ZDHHC11B: variants seen among roughly 807,000 people sequenced by gnomAD.
The protein encoded by ZDHHC11B is zDHHC palmitoyltransferase 11B (putative), also known as probable palmitoyltransferase ZDHHC11B.
In ZDHHC11B, 17 loss-of-function variants were observed where a neutral mutation model predicts 42.3. That is an observed-to-expected ratio of 0.40 (90% CI 0.27 to 0.60). The LOEUF is 0.60. Ranked by LOEUF, ZDHHC11B falls within the 20% of genes least tolerant of loss-of-function variation. The pLI is 0.41. For missense variants in ZDHHC11B, 262 were observed against 463.2 expected (o/e 0.57, Z 3.99); for synonymous variants, 123 against 193.5 (o/e 0.64, Z 3.02).
intron 12 of ZDHHC11B, among the ~76,000 whole-genome samples, chr5:721,169 C>T (rs557303014): frequency 6.6e-6 from 1 of 151,356 alleles, no homozygotes; most frequent in African/African-American, 2.4e-5. Flanking sequence ...TTATTATCCC[C>T]AGCATAACCA....
At chr5:756,215 G>C in intron 4 of ZDHHC11B, 71 bp from the exon 5 acceptor site, 1 of 1,518,476 alleles carries the variant, frequency 6.6e-7, no homozygotes, top group Non-Finnish European at 8.9e-7. Flanking sequence ...TGAGGCCCAA[G>C]GTCCCAGAAG....
intron 12 of ZDHHC11B, among the ~76,000 whole-genome samples, chr5:727,896 T>C (rs1459114251): frequency 6.6e-6 from 1 of 151,796 alleles, no homozygotes; most frequent in African/African-American, 2.4e-5. Flanking sequence ...AAGAAAGACT[T>C]TTTAAAGCAA....
chr5:780,692 C>T (rs191767994), intron 1 of ZDHHC11B, among the ~76,000 whole-genome samples: 1,663 of 147,034 alleles, frequency 0.011, no homozygotes, highest in African/African-American at 0.041. Context: ...TCCCAGCAGG[C>T]GGCCTGGGGA....
intron 13 of ZDHHC11B, among the ~76,000 whole-genome samples, chr5:716,055 C>T (rs3867413): frequency 0.61 from 90,049 of 146,792 alleles, 23,938 homozygotes; most frequent in Non-Finnish European, 0.63. Context: ...AGGTACTGAA[C>T]GGTAGACTTC....
chr5:777,191 C>T (rs1483577255), intron 1 of ZDHHC11B, among the ~76,000 whole-genome samples: 5 of 151,902 alleles, frequency 3.3e-5, no homozygotes, highest in Admixed American at 2.0e-4. Flanking sequence ...TTCGTGGTCT[C>T]GCTGACTTTA....
chr5:753,751 C>T (rs1395550266), intron 6 of ZDHHC11B, among the ~76,000 whole-genome samples: 4 of 148,406 alleles, frequency 2.7e-5, no homozygotes, highest in African/African-American at 4.9e-5. Context: ...CTGTCCCTGC[C>T]GGGCTGCTCA....
At chr5:751,477 GGGCATGCAGGGCAGGTGGGGGGTGCA>G (rs1215185686) in intron 6 of ZDHHC11B, among the ~76,000 whole-genome samples, 17 of 31,612 alleles carry the variant, frequency 5.4e-4, no homozygotes, top group Non-Finnish European at 9.6e-4. Flanking sequence ...GCAGGGGCGG[GGGCATGCAGGGCAGGTGGGGGGTGCA>G]GAGGCAGGGG....
intron 1 of ZDHHC11B, among the ~76,000 whole-genome samples, chr5:773,094 C>A (rs1736189649): frequency 6.6e-6 from 1 of 151,858 alleles, no homozygotes; most frequent in African/African-American, 2.4e-5. Context: ...CTTCATTAGA[C>A]CCACGTGCTG....
intron 1 of ZDHHC11B, among the ~76,000 whole-genome samples, chr5:777,622 T>C (rs1037939628): frequency 1.3e-5 from 2 of 151,970 alleles, no homozygotes; most frequent in South Asian, 2.1e-4. Context: ...GATTGGCCCA[T>C]TGTACAGGGA....
intron 9 of ZDHHC11B, among the ~76,000 whole-genome samples, chr5:743,224 T>A (rs1744366172): frequency 6.7e-6 from 1 of 149,456 alleles, no homozygotes; most frequent in Non-Finnish European, 1.5e-5. Context: ...TCTCTATATC[T>A]GTCTCTGTCG....
chr5:762,841 A>C (rs534972844), intron 4 of ZDHHC11B, among the ~76,000 whole-genome samples: 1 of 151,902 alleles, frequency 6.6e-6, no homozygotes, highest in South Asian at 2.1e-4. Flanking sequence ...AAAACAGGCA[A>C]ACAATAGAGA....
At chr5:777,054 G>C (rs1334449823) in intron 1 of ZDHHC11B, among the ~76,000 whole-genome samples, 1 of 151,894 alleles carries the variant, frequency 6.6e-6, no homozygotes, top group African/African-American at 2.4e-5. Context: ...TGGGTTATTG[G>C]TCTCGCTGAC....
chr5:718,105 A>G (rs1348775860), intron 12 of ZDHHC11B, among the ~76,000 whole-genome samples: 1 of 151,912 alleles, frequency 6.6e-6, no homozygotes, highest in Non-Finnish European at 1.5e-5. Context: ...TCAAATGAAA[A>G]TAAAAGCATG....
chr5:760,768 G>A (rs1561177607), intron 4 of ZDHHC11B, among the ~76,000 whole-genome samples: 1 of 151,804 alleles, frequency 6.6e-6, no homozygotes, highest in Non-Finnish European at 1.5e-5. Context: ...ATATGCCTGA[G>A]ACTCAGAGTC....
chr5:765,647 T>G (rs1219170867), intron 4 of ZDHHC11B, among the ~76,000 whole-genome samples: 2 of 151,890 alleles, frequency 1.3e-5, no homozygotes, highest in Non-Finnish European at 2.9e-5. Context: ...TTTTGCTCTT[T>G]GCAATACATC....
intron 1 of ZDHHC11B, among the ~76,000 whole-genome samples, chr5:777,584 C>T (rs923063188): frequency 4.6e-5 from 7 of 151,950 alleles, no homozygotes; most frequent in Admixed American, 2.0e-4. Flanking sequence ...GCTTTTATTC[C>T]GTTATCTGAC....
At chr5:780,982 G>A (rs552648482) in intron 1 of ZDHHC11B, among the ~76,000 whole-genome samples, 2 of 147,632 alleles carry the variant, frequency 1.4e-5, no homozygotes, top group Non-Finnish European at 3.0e-5. Context: ...GTGCAGCGGT[G>A]CCCTGGGCTC....
Position 716,802 on chromosome 5 carries a change from C to G in ZDHHC11B, c.*6G>C. 6.2e-7 allele frequency: 1 copy of G among 1,612,756 alleles called. No homozygotes were observed. The highest frequency in any genetic ancestry group is 8.5e-7 in the Non-Finnish European group (1 of 1,179,480). On this transcript the variant is annotated splice_region_variant and 3_prime_UTR_variant, in exon 13 of 14. Transcript: ENST00000508859. ...GACCTGCACTGCCACGTATCTTACC[C>G]GAATCTCAGTCTTCACTTTCAGCAC...
At chr5:713,551 T>G (rs1276064753) in intron 13 of ZDHHC11B, among the ~76,000 whole-genome samples, 18 of 152,028 alleles carry the variant, frequency 1.2e-4, no homozygotes, top group African/African-American at 4.3e-4. Context: ...GTTTTATTTG[T>G]GAGAAATCTT....
Sources: gnomAD v4.1 joint callset for allele counts (sites outside exome capture counted in the v4.1 genomes callset) on GRCh38, gnomAD v4.1.1 for gene constraint, MANE v1.5 for transcripts, NCBI Gene and HGNC (gene_info 2026-07-23, HGNC 2026-07-21) for gene names.